Variants in UNC79 observed in about 807,000 individuals in gnomAD.
UNC79 encodes the protein protein unc-79 homolog.
UNC79 carries 37 observed loss-of-function variants against 283.1 expected under a neutral mutation model. The ratio of observed to expected loss-of-function variants is 0.13; its 90% CI spans 0.10 to 0.17. The LOEUF (loss-of-function observed/expected upper bound fraction) is 0.17, where lower values mean the gene tolerates loss of function less well. Among genes scored for constraint, UNC79 ranks in the 10% least tolerant of loss-of-function variants. The pLI is 1.00. For synonymous variants in UNC79, 1,107 were observed against 1,200.2 expected (o/e 0.92, Z 1.61); for missense variants, 2,272 against 3,211.1 (o/e 0.71, Z 7.07).
intron 2 of UNC79, among the ~76,000 whole-genome samples, chr14:93,472,862 C>T (rs1434203069): frequency 6.6e-6 from 1 of 152,092 alleles, no homozygotes; most frequent in East Asian, 1.9e-4. Flanking sequence ...CTTGGACTAA[C>T]ATAAGTGTAC....
chr14:93,471,897 A>G (rs1471101972), intron 2 of UNC79, among the ~76,000 whole-genome samples: 1 of 152,150 alleles, frequency 6.6e-6, no homozygotes, highest in Non-Finnish European at 1.5e-5. Context: ...AAAAATATCA[A>G]AGTAGAGTCT....
At chr14:93,600,734 C>T in exon 25 of UNC79, 1 of 1,613,748 alleles carries the variant, frequency 6.2e-7, no homozygotes, top group Non-Finnish European at 8.5e-7. Context: ...AGCCCAGCTA[C>T]ATTTGGATTG....
chr14:93,671,333 AAGAG>A (rs1469395446), intron 40 of UNC79, among the ~76,000 whole-genome samples: 2 of 152,136 alleles, frequency 1.3e-5, no homozygotes, highest in Non-Finnish European at 2.9e-5. Flanking sequence ...CACTTCAAAG[AAGAG>A]AGAAAGGAAG....
At chr14:93,403,919 T>C (rs2055162624) in intron 1 of UNC79, among the ~76,000 whole-genome samples, 1 of 151,584 alleles carries the variant, frequency 6.6e-6, no homozygotes, top group African/African-American at 2.4e-5. Flanking sequence ...TTATATCCAC[T>C]TAAATATCAC....
chr14:93,690,410 C>T lies in UNC79; in HGVS notation c.7272+107C>T. The T allele has an allele frequency of 7.7e-7, 1 of 1,302,460 alleles. No individual in the cohort carries two copies. The highest frequency in any genetic ancestry group is 1.0e-6 in the Non-Finnish European group (1 of 956,404). 80.7% of individuals were successfully genotyped at this position (1,302,460 alleles called of 1,614,324 possible). ...GAAGAAAATACATCTTATCATTTGC[C>T]CTCCTGTGGATGTTAGAAACACAAC... On this transcript the variant is annotated intron_variant, in intron 45 of 48. Transcript: ENST00000555664. This position sits in a 1 kb window ranked among gnomAD's most constrained non-coding sequence, Gnocchi z 4.3.
intron 1 of UNC79, among the ~76,000 whole-genome samples, chr14:93,400,842 T>C (rs1595432372): frequency 1.3e-5 from 2 of 151,994 alleles, no homozygotes; most frequent in African/African-American, 4.8e-5. Flanking sequence ...GCAAAAAATA[T>C]GGAAAGAAAG....
chr14:93,535,586 A>T (rs1279695897), intron 11 of UNC79, among the ~76,000 whole-genome samples: 2 of 152,120 alleles, frequency 1.3e-5, no homozygotes, highest in Non-Finnish European at 2.9e-5. Flanking sequence ...ATCTGGGAAG[A>T]CTTGAATGCT....
chr14:93,405,136 A>G (rs2055200452), intron 1 of UNC79, among the ~76,000 whole-genome samples: 1 of 152,070 alleles, frequency 6.6e-6, no homozygotes, highest in African/African-American at 2.4e-5. Flanking sequence ...CACAAAAATT[A>G]GCTGCGTGTG....
At chr14:93,657,898 A>G (rs1004505814) in intron 38 of UNC79, among the ~76,000 whole-genome samples, 20 of 152,266 alleles carry the variant, frequency 1.3e-4, no homozygotes, top group Admixed American at 1.1e-3. Context: ...ACGCCTGCCA[A>G]TTGTTGTTCT....
At chr14:93,334,274 AG>A (rs1174896211) in intron 1 of UNC79, among the ~76,000 whole-genome samples, 2 of 152,208 alleles carry the variant, frequency 1.3e-5, no homozygotes, top group African/African-American at 4.8e-5. Context: ...TTCCTTGAAA[AG>A]GATAGCTCTT....
chr14:93,596,694 G>A (rs2065108423), intron 23 of UNC79, among the ~76,000 whole-genome samples: 2 of 152,140 alleles, frequency 1.3e-5, no homozygotes, highest in African/African-American at 2.4e-5. Context: ...AATAGCTTAA[G>A]CAAAATACTG....
At chr14:93,375,043 C>T (rs865973389) in intron 1 of UNC79, among the ~76,000 whole-genome samples, 2 of 152,116 alleles carry the variant, frequency 1.3e-5, no homozygotes, top group African/African-American at 2.4e-5. Flanking sequence ...TATTTTTTCC[C>T]TCCAAAACTC....
chr14:93,547,527 C>T (rs1361230196), intron 14 of UNC79, among the ~76,000 whole-genome samples: 1 of 152,184 alleles, frequency 6.6e-6, no homozygotes, highest in East Asian at 1.9e-4. Flanking sequence ...TTACAGGTCA[C>T]TGTGAAACAA....
intron 1 of UNC79, among the ~76,000 whole-genome samples, chr14:93,396,477 A>T (rs1423412696): frequency 6.6e-6 from 1 of 151,518 alleles, no homozygotes; most frequent in African/African-American, 2.4e-5. Flanking sequence ...ATACTTTCTT[A>T]TTTTTTTACT....
chr14:93,414,943 A>C (rs1448060417), intron 1 of UNC79, among the ~76,000 whole-genome samples: 3 of 152,160 alleles, frequency 2.0e-5, no homozygotes, highest in Non-Finnish European at 1.5e-5. Flanking sequence ...GGTTTTCTAG[A>C]TACACAGTCA....
In UNC79 at chr14:93,631,409, C is replaced by T. The variant is rs139780252; in HGVS notation, c.5716+501C>T. On this transcript the variant is annotated intron_variant, in intron 31 of 48. Transcript: ENST00000555664. ...TTTGGATTGGAGAGTGGAAATGGCA[C>T]GACATTTTACAGGACCTGTAGGAGG... 8.5e-4 allele frequency among the ~76,000 whole-genome samples: 129 copies of T among 152,170 alleles called. No individual in the cohort carries two copies. The Middle Eastern group carries it at 0.014, about 16-fold the overall frequency.
chr14:93,500,368 C>T (rs1394854733), intron 7 of UNC79, among the ~76,000 whole-genome samples: 1 of 152,172 alleles, frequency 6.6e-6, no homozygotes, highest in African/African-American at 2.4e-5. Context: ...ATGCCTGCTG[C>T]CCTCCAGGCA....
intron 22 of UNC79, among the ~76,000 whole-genome samples, chr14:93,593,227 C>T (rs910609942): frequency 6.6e-6 from 1 of 152,144 alleles, no homozygotes; most frequent in East Asian, 1.9e-4. Flanking sequence ...GATTGATGAC[C>T]TGTCTGTTCT....
intron 15 of UNC79, 58 bp from the exon 16 acceptor site, chr14:93,572,635 A>T: frequency 6.2e-7 from 1 of 1,602,776 alleles, no homozygotes; most frequent in Non-Finnish European, 8.5e-7. Flanking sequence ...CGGTGGTGGT[A>T]TTAGTAGAAC....
Sources: allele counts gnomAD v4.1 joint callset (sites outside exome capture counted in the v4.1 genomes callset), GRCh38; gene constraint gnomAD v4.1.1; non-coding constraint Gnocchi (gnomAD v3.1); transcripts MANE v1.5; gene names NCBI Gene and HGNC (gene_info 2026-07-23, HGNC 2026-07-21).